The following SLC35F1 variants were observed in gnomAD, a reference collection of about 807,000 sequenced individuals.
The protein encoded by SLC35F1 is solute carrier family 35 member F1.
Under a neutral mutation model 48.7 loss-of-function variants are expected in SLC35F1, and 14 were observed. That is an observed-to-expected ratio of 0.29 (90% CI 0.19 to 0.45). The LOEUF (loss-of-function observed/expected upper bound fraction) is 0.45, where lower values mean the gene tolerates loss of function less well. Among genes scored for constraint, SLC35F1 ranks in the 20% least tolerant of loss-of-function variants. SLC35F1 has a pLI of 1.00. For missense variants in SLC35F1, 404 were observed against 500.0 expected, an observed-to-expected ratio of 0.81 and a Z score of 1.83; for synonymous variants, 190 against 202.2, an observed-to-expected ratio of 0.94 and a Z score of 0.51.
chr6:118,076,418 C>T (rs990742050), intron 1 of SLC35F1, among the ~76,000 whole-genome samples: 3 of 152,154 alleles, frequency 2.0e-5, no homozygotes, highest in African/African-American at 4.8e-5. Context: ...TTAATTGACT[C>T]ACGGTTCTAC....
At chr6:118,032,141 A>G (rs1772063495) in intron 1 of SLC35F1, among the ~76,000 whole-genome samples, 1 of 152,152 alleles carries the variant, frequency 6.6e-6, no homozygotes, top group Non-Finnish European at 1.5e-5. Context: ...AAACCCAGAC[A>G]TATTTTCTCC....
intron 1 of SLC35F1, among the ~76,000 whole-genome samples, chr6:118,150,621 T>G (rs140314329): frequency 6.6e-6 from 1 of 152,246 alleles, no homozygotes; most frequent in Non-Finnish European, 1.5e-5. Context: ...CACAGCATTC[T>G]CCAGGAGACA....
intron 7 of SLC35F1, among the ~76,000 whole-genome samples, chr6:118,313,254 A>G (rs1223031454): frequency 6.6e-6 from 1 of 152,228 alleles, no homozygotes; most frequent in Non-Finnish European, 1.5e-5. Flanking sequence ...TGAAGTAACT[A>G]CTTCCAGTGT....
intron 1 of SLC35F1, among the ~76,000 whole-genome samples, chr6:117,992,350 A>G (rs1562257750): frequency 6.6e-6 from 1 of 152,196 alleles, no homozygotes; most frequent in Admixed American, 6.5e-5. Flanking sequence ...ATGATTCTGT[A>G]TTCTTTATTA....
chr6:118,023,874 G>A (rs529370925), intron 1 of SLC35F1, among the ~76,000 whole-genome samples: 1 of 152,252 alleles, frequency 6.6e-6, no homozygotes, highest in African/African-American at 2.4e-5. Context: ...GACTATTCCC[G>A]GAATCAAGGG....
At chr6:118,169,859 C>G (rs964006610) in intron 2 of SLC35F1, among the ~76,000 whole-genome samples, 1 of 152,000 alleles carries the variant, frequency 6.6e-6, no homozygotes, top group Non-Finnish European at 1.5e-5. Context: ...ATTCTGTGAG[C>G]CAAAATAAGA....
chr6:118,002,517 G>A (rs967193426), intron 1 of SLC35F1, among the ~76,000 whole-genome samples: 2 of 151,584 alleles, frequency 1.3e-5, no homozygotes, highest in Non-Finnish European at 2.9e-5. Context: ...GAGTTAATGG[G>A]TGCAGCACAC....
intron 1 of SLC35F1, among the ~76,000 whole-genome samples, chr6:118,139,521 A>G (rs1188836876): frequency 6.6e-6 from 1 of 152,192 alleles, no homozygotes; most frequent in Non-Finnish European, 1.5e-5. Flanking sequence ...CTTGGGTACT[A>G]TGTAAGTGCC....
intron 5 of SLC35F1, 91 bp from the exon 6 acceptor site, chr6:118,277,403 T>C (rs1163228330): frequency 2.0e-5 from 23 of 1,145,022 alleles, no homozygotes; most frequent in Non-Finnish European, 2.9e-5. Context: ...ATTATTTGTA[T>C]ACATCTGATA....
At chr6:118,186,488 C>T (rs1361486577) in intron 2 of SLC35F1, among the ~76,000 whole-genome samples, 1 of 152,016 alleles carries the variant, frequency 6.6e-6, no homozygotes, top group Non-Finnish European at 1.5e-5. Context: ...AGCATTTACT[C>T]CTTTTGTACT....
chr6:118,232,972 GT>G (rs72399657), intron 2 of SLC35F1, among the ~76,000 whole-genome samples: 96 of 147,270 alleles, frequency 6.5e-4, no homozygotes, highest in Admixed American at 1.1e-3. Flanking sequence ...GACTTTTCTG[GT>G]TTTTTTTTTT....
intron 2 of SLC35F1, among the ~76,000 whole-genome samples, chr6:118,168,950 G>T (rs1344803039): frequency 3.9e-5 from 6 of 152,218 alleles, no homozygotes; most frequent in Non-Finnish European, 2.9e-5. Context: ...CACTGGGACT[G>T]TTAGCATCTG....
chr6:118,282,546 C>T (rs560546076), intron 6 of SLC35F1, among the ~76,000 whole-genome samples: 2 of 152,200 alleles, frequency 1.3e-5, no homozygotes, highest in Non-Finnish European at 2.9e-5. Flanking sequence ...AAAATCTCAC[C>T]ACTTCTCTGA....
intron 1 of SLC35F1, among the ~76,000 whole-genome samples, chr6:117,964,312 G>A (rs888559869): frequency 3.9e-5 from 6 of 152,084 alleles, no homozygotes; most frequent in African/African-American, 1.4e-4. Flanking sequence ...TAACCTTTCT[G>A]GTTGCTTTGA....
intron 1 of SLC35F1, among the ~76,000 whole-genome samples, chr6:117,979,726 T>C (rs1160301619): frequency 6.6e-6 from 1 of 152,128 alleles, no homozygotes; most frequent in Non-Finnish European, 1.5e-5. Context: ...TGTAAGAGGG[T>C]CTGTTGTAGG....
chr6:118,264,304 A>G (rs1344964523), intron 3 of SLC35F1, among the ~76,000 whole-genome samples: 1 of 152,232 alleles, frequency 6.6e-6, no homozygotes, highest in African/African-American at 2.4e-5. Flanking sequence ...CATATGTCTG[A>G]CAATTCATTG....
intron 6 of SLC35F1, among the ~76,000 whole-genome samples, chr6:118,283,139 A>G (rs1776003699): frequency 6.6e-6 from 1 of 152,108 alleles, no homozygotes; most frequent in Non-Finnish European, 1.5e-5. Context: ...CATTCTGCTC[A>G]GCCATTGTGG....
rs551912378 is a variant in SLC35F1 at position 117,948,030 on chromosome 6, A to C, written c.173+40131A>C. On this transcript the variant is annotated intron_variant, in intron 1 of 7. Transcript: ENST00000360388. ...GGAGCTATCTGTAGCTAATACAAAA[A>C]CATTTTGTGTATTACTAGATTTAAT... 1.7e-4 allele frequency among the ~76,000 whole-genome samples: 26 copies of C among 152,298 alleles called. 2 individuals are homozygous for C. The South Asian group carries it at 5.0e-3, about 29-fold the overall frequency.
rs563279007 is a variant in SLC35F1, at chr6:118,174,760, TA to T, written c.349+20146del. ...ACATTTCTTTTCTGTGTCAAACTTC[TA>T]AAAAACAAAAAGAAAAAGAAAACCT... is the stretch of plus-strand genomic sequence containing the variant. On this transcript the variant is annotated intron_variant, in intron 2 of 7. Transcript: ENST00000360388. Among the ~76,000 whole-genome samples the T allele has an allele frequency of 1.2e-4, 18 of 151,494 alleles. No homozygotes were observed. In the East Asian group the frequency reaches 3.1e-3, roughly 26 times the overall value.
Sources: allele counts gnomAD v4.1 joint callset (sites outside exome capture counted in the v4.1 genomes callset), GRCh38; gene constraint gnomAD v4.1.1; transcripts MANE v1.5; gene names NCBI Gene and HGNC (gene_info 2026-07-23, HGNC 2026-07-21).